The following LINGO2 variants were observed in gnomAD, a reference collection of about 807,000 sequenced individuals.
LINGO2 encodes the protein leucine rich repeat and Ig domain containing 2.
A neutral mutation model predicts 30.6 loss-of-function variants in LINGO2; 14 were observed. That is an observed-to-expected ratio of 0.46 (90% CI 0.30 to 0.72). The LOEUF (loss-of-function observed/expected upper bound fraction) is 0.72. Among genes scored for constraint, LINGO2 ranks in the 30% least tolerant of loss-of-function variants. The pLI is 0.07. For synonymous variants in LINGO2, 317 were observed against 288.5 expected, an observed-to-expected ratio of 1.10 and a Z score of -1.00; for missense variants, 729 against 751.7, an observed-to-expected ratio of 0.97 and a Z score of 0.35.
At chr9:29,053,379 G>A in the LINGO2 span, among the ~76,000 whole-genome samples, 1 of 152,054 alleles carries the variant, frequency 6.6e-6, no homozygotes, top group Non-Finnish European at 1.5e-5. Context: ...CCCTTCCTCT[G>A]TCCATGTGTT....
chr9:28,943,867 G>A, the LINGO2 span, among the ~76,000 whole-genome samples: 1 of 152,084 alleles, frequency 6.6e-6, no homozygotes, highest in African/African-American at 2.4e-5. Context: ...TTTGTTTAAG[G>A]GCCCAGTGAA....
the LINGO2 span, among the ~76,000 whole-genome samples, chr9:28,970,926 C>T: frequency 6.6e-6 from 1 of 152,298 alleles, no homozygotes; most frequent in East Asian, 1.9e-4. Context: ...ACTGGCATCA[C>T]TCGTCCCTAA....
intron 3 of LINGO2, among the ~76,000 whole-genome samples, chr9:28,364,024 A>T (rs1264496265): frequency 1.3e-5 from 2 of 151,934 alleles, no homozygotes; most frequent in East Asian, 3.9e-4. Context: ...CTTTTTGGGT[A>T]AAGATGGCTG....
chr9:28,712,756 A>G, the LINGO2 span, among the ~76,000 whole-genome samples: 1 of 152,110 alleles, frequency 6.6e-6, no homozygotes, highest in Non-Finnish European at 1.5e-5. Context: ...ACTATTTCAA[A>G]TATGTAGCAA....
the LINGO2 span, among the ~76,000 whole-genome samples, chr9:29,035,399 G>T: frequency 6.6e-6 from 1 of 151,696 alleles, no homozygotes; most frequent in Non-Finnish European, 1.5e-5. Context: ...AATTCCAGAG[G>T]ATACATTAGC....
intron 5 of LINGO2, among the ~76,000 whole-genome samples, chr9:27,951,999 C>A (rs1290431048): frequency 6.6e-6 from 1 of 151,760 alleles, no homozygotes; most frequent in African/African-American, 2.4e-5. Flanking sequence ...TAGGCAAAAA[C>A]CCAGAAAGTG....
intron 3 of LINGO2, among the ~76,000 whole-genome samples, chr9:28,296,629 T>C (rs1315403758): frequency 5.3e-5 from 8 of 152,204 alleles, no homozygotes. Flanking sequence ...AATGCTAAGA[T>C]GACAAAGGGT....
the LINGO2 span, among the ~76,000 whole-genome samples, chr9:28,709,137 C>T: frequency 2.6e-5 from 4 of 152,008 alleles, no homozygotes; most frequent in Non-Finnish European, 5.9e-5. Context: ...GAGAACATCA[C>T]CCTCCTTCAG....
intron 5 of LINGO2, among the ~76,000 whole-genome samples, chr9:27,992,794 A>G (rs936099172): frequency 1.4e-5 from 2 of 140,318 alleles, no homozygotes; most frequent in African/African-American, 5.7e-5. Context: ...AGGGAACATT[A>G]ACTAAAAGTA....
intron 4 of LINGO2, among the ~76,000 whole-genome samples, chr9:28,023,527 C>T (rs1392213259): frequency 1.3e-5 from 2 of 152,238 alleles, no homozygotes; most frequent in Non-Finnish European, 2.9e-5. Flanking sequence ...TCTTATGAAC[C>T]AATCTCAGTC....
At chr9:28,873,527 T>G in the LINGO2 span, among the ~76,000 whole-genome samples, 1 of 152,130 alleles carries the variant, frequency 6.6e-6, no homozygotes, top group Admixed American at 6.6e-5. Context: ...GGAGTTAGAC[T>G]TGGCCAAACT....
At chr9:28,561,749 G>GTGTGTATATA (rs772157537) in intron 1 of LINGO2, among the ~76,000 whole-genome samples, 3,312 of 48,702 alleles carry the variant, frequency 0.068, 819 homozygotes, top group East Asian at 0.11. Context: ...GTGTGTGTGT[G>GTGTGTATATA]TATATATATA....
intron 4 of LINGO2, among the ~76,000 whole-genome samples, chr9:28,207,056 A>T (rs1820432556): frequency 6.6e-6 from 1 of 152,292 alleles, no homozygotes; most frequent in East Asian, 1.9e-4. Flanking sequence ...TTTAAAAATT[A>T]CACCTTCACA....
intron 1 of LINGO2, among the ~76,000 whole-genome samples, chr9:28,561,745 G>GTA (rs1462809582): frequency 2.3e-5 from 1 of 43,532 alleles, no homozygotes; most frequent in Non-Finnish European, 4.1e-5. Flanking sequence ...TTGTGTGTGT[G>GTA]TGTGTATATA....
intron 4 of LINGO2, among the ~76,000 whole-genome samples, chr9:28,138,213 C>G (rs911798368): frequency 2.0e-5 from 3 of 152,156 alleles, no homozygotes; most frequent in Non-Finnish European, 4.4e-5. Context: ...ATCAGACTCC[C>G]CCAAAGATTA....
At chr9:28,808,337 A>T in the LINGO2 span, among the ~76,000 whole-genome samples, 1 of 152,208 alleles carries the variant, frequency 6.6e-6, no homozygotes, top group African/African-American at 2.4e-5. Context: ...ATTGCCCTGA[A>T]TTATGCTACT....
the LINGO2 span, among the ~76,000 whole-genome samples, chr9:28,814,675 C>A: frequency 1.3e-5 from 2 of 152,238 alleles, no homozygotes; most frequent in Admixed American, 1.3e-4. Context: ...ATCACGAGGT[C>A]AGGAGTTCGA....
At chr9:28,001,284 A>G (rs1301178229) in intron 5 of LINGO2, among the ~76,000 whole-genome samples, 1 of 152,198 alleles carries the variant, frequency 6.6e-6, no homozygotes, top group Non-Finnish European at 1.5e-5. Flanking sequence ...AGAAGCCCTC[A>G]GGGCACTTTC....
intron 1 of LINGO2, among the ~76,000 whole-genome samples, chr9:28,571,938 G>A (rs532768607): frequency 6.6e-6 from 1 of 152,084 alleles, no homozygotes; most frequent in East Asian, 1.9e-4. Context: ...TTTGCTTTGG[G>A]CAGGAAACTA....
Sources: gnomAD v4.1 joint callset for allele counts (sites outside exome capture counted in the v4.1 genomes callset) on GRCh38, gnomAD v4.1.1 for gene constraint, MANE v1.5 for transcripts, NCBI Gene and HGNC (gene_info 2026-07-23, HGNC 2026-07-21) for gene names.